The following TRHDE variants were observed in gnomAD, a reference collection of about 807,000 sequenced individuals.
TRHDE encodes the protein thyrotropin-releasing hormone-degrading ectoenzyme.
TRHDE carries 72 observed loss-of-function variants against 125.7 expected under a neutral mutation model. The ratio of observed to expected loss-of-function variants is 0.57; its 90% CI spans 0.47 to 0.70. The LOEUF (loss-of-function observed/expected upper bound fraction) is 0.70, where lower values mean the gene tolerates loss of function less well. Among genes scored for constraint, TRHDE ranks in the 30% least tolerant of loss-of-function variants. The pLI, the probability that TRHDE is intolerant of heterozygous loss-of-function variation, is 0.00. For synonymous variants in TRHDE, 509 were observed against 509.1 expected (o/e 1.00, Z 0.00); for missense variants, 1,110 against 1,327.1 (o/e 0.84, Z 2.54).
chr12:72,632,026 A>C (rs1033200926), intron 15 of TRHDE, among the ~76,000 whole-genome samples: 8 of 151,960 alleles, frequency 5.3e-5, no homozygotes, highest in Non-Finnish European at 1.2e-4. Context: ...GAAGAATACA[A>C]AAGATGATGA....
In TRHDE at chr12:72,663,237, T is replaced by C; in HGVS notation, c.*42T>C. The C allele has an allele frequency of 6.7e-7, 1 of 1,486,900 alleles. No individual in the cohort carries two copies. Among genetic ancestry groups the C allele is most frequent in the Non-Finnish European group, 9.1e-7 (1 of 1,103,292 alleles). The allele number at this position is 1,486,900 out of a possible 1,614,324, so 92.1% of individuals were successfully genotyped here. ...ACAAACAATTCAACTCAGAAGTTTA[T>C]GAGAAGACACGCTTTTTGTGGAATG... On this transcript the variant is annotated 3_prime_UTR_variant, in exon 19 of 19. Coordinates refer to ENST00000261180, the MANE Select transcript of TRHDE (RefSeq NM_013381.3).
intron 18 of TRHDE, among the ~76,000 whole-genome samples, chr12:72,662,511 C>T (rs1302045895): frequency 6.6e-6 from 1 of 152,026 alleles, no homozygotes; most frequent in Non-Finnish European, 1.5e-5. Flanking sequence ...ATTTTTATAG[C>T]ACCATTACTT....
chr12:72,324,918 G>C (rs1262128208), intron 2 of TRHDE, among the ~76,000 whole-genome samples: 1 of 151,812 alleles, frequency 6.6e-6, no homozygotes, highest in Admixed American at 6.6e-5. Flanking sequence ...CTAGACATTG[G>C]GTATGGCTTG....
chr12:72,234,692 A>G (rs1033877835), intron 2 of TRHDE, among the ~76,000 whole-genome samples: 6 of 152,190 alleles, frequency 3.9e-5, no homozygotes, highest in Non-Finnish European at 8.8e-5. Context: ...AGGAGAGAAA[A>G]TAATGTAGTG....
intron 2 of TRHDE, among the ~76,000 whole-genome samples, chr12:72,157,707 T>TA (rs2139326241): frequency 6.6e-6 from 1 of 152,312 alleles, no homozygotes; most frequent in African/African-American, 2.4e-5. Flanking sequence ...GTTTGAGTAT[T>TA]AAGCAGCAGA....
intron 2 of TRHDE, among the ~76,000 whole-genome samples, chr12:72,344,836 A>G (rs1326472526): frequency 6.6e-6 from 1 of 151,912 alleles, no homozygotes; most frequent in Non-Finnish European, 1.5e-5. Flanking sequence ...TTATGGATGA[A>G]CACCCCTGGC....
intron 1 of TRHDE, among the ~76,000 whole-genome samples, chr12:72,280,747 A>G (rs1160516653): frequency 6.6e-6 from 1 of 152,178 alleles, no homozygotes; most frequent in Non-Finnish European, 1.5e-5. Context: ...AGCAGGAACC[A>G]GAGACTGAAG....
chr12:72,564,933 T>C lies in TRHDE; in HGVS notation c.2042+1893T>C, dbSNP rs535882065. ...CACCCGCCTCGGCCTCCCAAAGTGC[T>C]GGGATTACAGGCGTGAGCCATATGT... On this transcript the variant is annotated intron_variant, in intron 9 of 18. Transcript: ENST00000261180. 4.6e-5 allele frequency among the ~76,000 whole-genome samples: 7 copies of C among 152,208 alleles called. No homozygotes were observed. In the East Asian group the frequency reaches 1.4e-3, roughly 29 times the overall value.
chr12:72,342,196 T>C (rs1870116130), intron 2 of TRHDE, among the ~76,000 whole-genome samples: 1 of 152,160 alleles, frequency 6.6e-6, no homozygotes, highest in Admixed American at 6.5e-5. Flanking sequence ...ATTTTTATCA[T>C]TACACAATAA....
intron 15 of TRHDE, among the ~76,000 whole-genome samples, chr12:72,641,792 C>T (rs922804683): frequency 2.0e-5 from 3 of 151,936 alleles, no homozygotes; most frequent in Admixed American, 6.6e-5. Context: ...TACCAATTCA[C>T]TATGATTTAG....
In TRHDE at chr12:72,503,502, T is replaced by C. The variant is rs79144743; in HGVS notation, c.1722+3867T>C. The stretch of plus-strand genomic sequence containing the variant: ...AAAACATATAAATAAACCAGTGCAG[T>C]AACATATGAGTGTTATCCAGCAATA... On this transcript the variant is annotated intron_variant, in intron 6 of 18. Coordinates refer to ENST00000261180, the MANE Select transcript of TRHDE (RefSeq NM_013381.3). 3.1e-3 allele frequency among the ~76,000 whole-genome samples: 472 copies of C among 152,302 alleles called. 2 individuals carry two copies. The highest frequency in any genetic ancestry group is 0.017 in the Middle Eastern group (5 of 294).
At chr12:72,617,762 T>G (rs759212792) in intron 12 of TRHDE, among the ~76,000 whole-genome samples, 1 of 152,196 alleles carries the variant, frequency 6.6e-6, no homozygotes, top group Admixed American at 6.6e-5. Context: ...GAGCTTGGTC[T>G]GCTTCAAAGA....
chr12:72,365,993 A>T (rs990392269), intron 2 of TRHDE, among the ~76,000 whole-genome samples: 1 of 151,852 alleles, frequency 6.6e-6, no homozygotes, highest in Non-Finnish European at 1.5e-5. Flanking sequence ...CCATCTTTGC[A>T]TCTTCACATT....
At chr12:72,572,807 G>T (rs1361360651) in intron 10 of TRHDE, among the ~76,000 whole-genome samples, 1 of 151,858 alleles carries the variant, frequency 6.6e-6, no homozygotes, top group Non-Finnish European at 1.5e-5. Flanking sequence ...TCTATAAGTT[G>T]TTGAAATTAA....
At chr12:72,475,431 T>C (rs1340958234) in intron 5 of TRHDE, among the ~76,000 whole-genome samples, 1 of 152,168 alleles carries the variant, frequency 6.6e-6, no homozygotes, top group Admixed American at 6.6e-5. Context: ...GAAAAATGCA[T>C]CTTAGATTTA....
Position 72,668,656 on chromosome 12 carries a change from AC to A in TRHDE, c.*5462del, listed in dbSNP as rs1192213998. On this transcript the variant is annotated 3_prime_UTR_variant, in exon 19 of 19. Coordinates refer to ENST00000261180, the MANE Select transcript of TRHDE (RefSeq NM_013381.3). Reference sequence around the variant, plus strand: ...TTTGAATGCCTACTAAATGCTAGGCACTTTATAGGTGTCTTCTAATATATGT... The same window carrying A: ...TTTGAATGCCTACTAAATGCTAGGCATTTATAGGTGTCTTCTAATATATGT... 6.6e-6 allele frequency: 1 copy of A among 151,848 alleles called. No individual in the cohort carries two copies. Among genetic ancestry groups the A allele is most frequent in the East Asian group, 1.9e-4 (1 of 5,158 alleles). 9.4% of individuals were successfully genotyped at this position (151,848 alleles called of 1,614,324 possible).
intron 3 of TRHDE, among the ~76,000 whole-genome samples, chr12:72,444,726 A>G (rs2135860804): frequency 1.3e-5 from 2 of 151,988 alleles, no homozygotes; most frequent in South Asian, 4.2e-4. Context: ...AGGCTAAGAA[A>G]TGTCTGTTAG....
intron 2 of TRHDE, chr12:72,254,694 C>T (rs144207174): frequency 6.6e-6 from 1 of 152,332 alleles, no homozygotes; most frequent in East Asian, 1.9e-4. Flanking sequence ...ACTTAACCAT[C>T]TTCCTACTGG....
intron 2 of TRHDE, among the ~76,000 whole-genome samples, chr12:72,200,499 T>C (rs1290774209): frequency 6.6e-6 from 1 of 152,192 alleles, no homozygotes; most frequent in African/African-American, 2.4e-5. Flanking sequence ...TTTTTGATAA[T>C]GGTTTATATT....
Sources: gnomAD v4.1 joint callset for allele counts (sites outside exome capture counted in the v4.1 genomes callset) on GRCh38, gnomAD v4.1.1 for gene constraint, MANE v1.5 for transcripts, NCBI Gene and HGNC (gene_info 2026-07-23, HGNC 2026-07-21) for gene names.